RSRC1: variants seen among roughly 807,000 people sequenced by gnomAD.
RSRC1 encodes the protein serine/Arginine-related protein 53.
In RSRC1, 39 loss-of-function variants were observed where a neutral mutation model predicts 49.1. The ratio of observed to expected loss-of-function variants is 0.79; its 90% confidence interval spans 0.61 to 1.04. RSRC1 has a LOEUF of 1.04. RSRC1 is among the 50% of genes least tolerant of loss of function. The pLI is 0.00. For synonymous variants in RSRC1, 143 were observed against 130.8 expected, an observed-to-expected ratio of 1.09 and a Z score of -0.63; for missense variants, 388 against 402.4, an observed-to-expected ratio of 0.96 and a Z score of 0.31.
chr3:158,243,783 A>G (rs1388490824), intron 4 of RSRC1, among the ~76,000 whole-genome samples: 1 of 151,790 alleles, frequency 6.6e-6, no homozygotes, highest in Admixed American at 6.6e-5. Flanking sequence ...ATTCCTAGGT[A>G]TTTTATTCCT....
intron 6 of RSRC1, among the ~76,000 whole-genome samples, chr3:158,396,719 A>G (rs1733632582): frequency 6.6e-6 from 1 of 152,160 alleles, no homozygotes. Context: ...GGACACAAGA[A>G]TGTGACAGTA....
intron 5 of RSRC1, among the ~76,000 whole-genome samples, chr3:158,337,099 T>A (rs1182164817): frequency 1.3e-5 from 2 of 152,212 alleles, no homozygotes; most frequent in African/African-American, 2.4e-5. Context: ...CTCCCTGGCC[T>A]CACCAATGCT....
intron 7 of RSRC1, among the ~76,000 whole-genome samples, chr3:158,525,745 C>G (rs752172181): frequency 3.3e-5 from 5 of 151,890 alleles, no homozygotes; most frequent in Non-Finnish European, 7.4e-5. Context: ...TACCCAACAA[C>G]ATGGATTTAT....
intron 5 of RSRC1, among the ~76,000 whole-genome samples, chr3:158,334,089 G>A (rs549803273): frequency 6.6e-6 from 1 of 152,214 alleles, no homozygotes; most frequent in Non-Finnish European, 1.5e-5. Flanking sequence ...TAAAAAATGT[G>A]CTGATACTTA....
At chr3:158,366,978 T>C (rs1344673499) in intron 6 of RSRC1, among the ~76,000 whole-genome samples, 1 of 152,226 alleles carries the variant, frequency 6.6e-6, no homozygotes, top group Admixed American at 6.5e-5. Context: ...GCTTGTTATT[T>C]TTGCATATTG....
intron 6 of RSRC1, among the ~76,000 whole-genome samples, chr3:158,457,923 A>G (rs1737426440): frequency 6.6e-6 from 1 of 152,162 alleles, no homozygotes; most frequent in East Asian, 1.9e-4. Context: ...GTGAGACTTT[A>G]ATATATTTAT....
chr3:158,150,532 G>T (rs1370620176), intron 3 of RSRC1, among the ~76,000 whole-genome samples: 1 of 152,068 alleles, frequency 6.6e-6, no homozygotes, highest in Admixed American at 6.6e-5. Flanking sequence ...CTGTCTGGTT[G>T]TGTTTTTTTC....
intron 6 of RSRC1, among the ~76,000 whole-genome samples, chr3:158,411,439 C>T (rs1312973593): frequency 1.3e-5 from 2 of 152,018 alleles, no homozygotes; most frequent in Admixed American, 1.3e-4. Context: ...TCCCATTGCT[C>T]TGCCTTCTCA....
chr3:158,486,862 A>G (rs2108442426), intron 7 of RSRC1, among the ~76,000 whole-genome samples: 1 of 152,198 alleles, frequency 6.6e-6, no homozygotes, highest in East Asian at 1.9e-4. Flanking sequence ...CTGGAAAATT[A>G]TTTTCCTAGC....
At chr3:158,403,440 T>C (rs1733994819) in intron 6 of RSRC1, among the ~76,000 whole-genome samples, 1 of 151,780 alleles carries the variant, frequency 6.6e-6, no homozygotes. Context: ...AGCTTATTCT[T>C]GGTTTTTCTC....
intron 7 of RSRC1, among the ~76,000 whole-genome samples, chr3:158,507,865 G>C (rs1247831685): frequency 6.6e-6 from 1 of 152,070 alleles, no homozygotes; most frequent in Non-Finnish European, 1.5e-5. Flanking sequence ...TTGAACTCAG[G>C]AGTTTGAGAC....
chr3:158,362,282 C>T (rs1053583553), intron 6 of RSRC1, among the ~76,000 whole-genome samples: 3 of 152,186 alleles, frequency 2.0e-5, no homozygotes, highest in Admixed American at 6.5e-5. Flanking sequence ...TCAAGGGTTC[C>T]GTGAGCTGTG....
At chr3:158,174,669 C>A (rs535126765) in intron 3 of RSRC1, among the ~76,000 whole-genome samples, 3 of 152,132 alleles carry the variant, frequency 2.0e-5, no homozygotes, top group African/African-American at 7.2e-5. Flanking sequence ...CAACTTTCTT[C>A]ATGAGATTTA....
chr3:158,469,907 T>C (rs888098458), intron 7 of RSRC1, among the ~76,000 whole-genome samples: 2 of 152,090 alleles, frequency 1.3e-5, no homozygotes, highest in African/African-American at 4.8e-5. Context: ...TCAAGTCTTA[T>C]TAATAACTTT....
At chr3:158,424,674 C>G (rs1735298539) in intron 6 of RSRC1, among the ~76,000 whole-genome samples, 1 of 151,772 alleles carries the variant, frequency 6.6e-6, no homozygotes, top group Admixed American at 6.6e-5. Flanking sequence ...CTCCTTGTAC[C>G]TCTGGTAGAA....
At chr3:158,366,009 T>C (rs1465758334) in intron 6 of RSRC1, among the ~76,000 whole-genome samples, 2 of 152,200 alleles carry the variant, frequency 1.3e-5, no homozygotes, top group Non-Finnish European at 2.9e-5. Flanking sequence ...TTTTTTCTTG[T>C]AAATTTGTTT....
intron 7 of RSRC1, among the ~76,000 whole-genome samples, chr3:158,501,205 C>A (rs1021266539): frequency 6.6e-6 from 1 of 152,088 alleles, no homozygotes; most frequent in Non-Finnish European, 1.5e-5. Context: ...CAGTTTTATT[C>A]CAGTGTGATC....
chr3:158,195,588 A>T (rs1337429182), intron 3 of RSRC1, among the ~76,000 whole-genome samples: 1 of 152,050 alleles, frequency 6.6e-6, no homozygotes, highest in Non-Finnish European at 1.5e-5. Context: ...CTATGTCCTG[A>T]ATGGTATTGC....
intron 7 of RSRC1, among the ~76,000 whole-genome samples, chr3:158,514,702 A>T (rs1328939087): frequency 1.3e-5 from 2 of 151,914 alleles, no homozygotes; most frequent in African/African-American, 4.8e-5. Flanking sequence ...GATCTGTCTA[A>T]TGTTGACAGT....
Sources: gnomAD v4.1 joint callset for allele counts (sites outside exome capture counted in the v4.1 genomes callset) on GRCh38, gnomAD v4.1.1 for gene constraint, MANE v1.5 for transcripts, NCBI Gene and HGNC (gene_info 2026-07-23, HGNC 2026-07-21) for gene names.